C1orf198: variants seen among roughly 807,000 people sequenced by gnomAD.
C1orf198 encodes uncharacterized protein C1orf198.
C1orf198 carries 17 observed loss-of-function variants against 31.4 expected under a neutral mutation model. The ratio of observed to expected loss-of-function variants is 0.54; its 90% CI spans 0.37 to 0.81. The LOEUF (loss-of-function observed/expected upper bound fraction) is 0.81, where lower values mean the gene tolerates loss of function less well. Among genes scored for constraint, C1orf198 ranks in the 40% least tolerant of loss-of-function variants. The pLI, the probability that C1orf198 is intolerant of heterozygous loss-of-function variation, is 0.00. For missense variants in C1orf198, 401 were observed against 450.3 expected, an observed-to-expected ratio of 0.89 and a Z score of 0.99; for synonymous variants, 175 against 193.8, an observed-to-expected ratio of 0.90 and a Z score of 0.81.
At chr1:230,842,499 T>A (rs576642379) in intron 3 of C1orf198, among the ~76,000 whole-genome samples, 1 of 152,024 alleles carries the variant, frequency 6.6e-6, no homozygotes, top group East Asian at 1.9e-4. Flanking sequence ...GAATGGAAAA[T>A]CAAACATCAT....
intron 3 of C1orf198, among the ~76,000 whole-genome samples, chr1:230,842,523 T>G (rs1669467649): frequency 6.6e-6 from 1 of 152,036 alleles, no homozygotes; most frequent in Admixed American, 6.6e-5. Context: ...TTCTCACTCA[T>G]AAGTGGGAGC....
At chr1:230,852,336 A>G (rs1206186363) in intron 2 of C1orf198, among the ~76,000 whole-genome samples, 1 of 109,316 alleles carries the variant, frequency 9.1e-6, no homozygotes. Context: ...TATCTACTGG[A>G]AAAAAAAAAT....
At chr1:230,866,006 T>G (rs1270838949) in intron 1 of C1orf198, among the ~76,000 whole-genome samples, 1 of 152,160 alleles carries the variant, frequency 6.6e-6, no homozygotes, top group African/African-American at 2.4e-5. Context: ...GAAGAGACAT[T>G]GGGCCCCACT....
chr1:230,846,573 C>G (rs1669593636), intron 2 of C1orf198, among the ~76,000 whole-genome samples: 1 of 152,238 alleles, frequency 6.6e-6, no homozygotes, highest in Non-Finnish European at 1.5e-5. Context: ...GGCTAGATGT[C>G]TTCCCTCCAG....
intron 3 of C1orf198, among the ~76,000 whole-genome samples, chr1:230,841,841 C>T (rs777221863): frequency 3.9e-5 from 6 of 152,208 alleles, no homozygotes; most frequent in Non-Finnish European, 8.8e-5. Context: ...ACGTTCACAG[C>T]AGCACTATTC....
At position 230,837,555 on chromosome 1, in the gene C1orf198, G is replaced by A. The variant is rs773878541; in HGVS notation, c.*2297C>T. On this transcript the variant is annotated 3_prime_UTR_variant, in exon 4 of 4. Coordinates refer to ENST00000366663, the MANE Select transcript of C1orf198 (RefSeq NM_032800.3). Reference sequence around the variant, plus strand: ...TTTGAGAAACTCCCTCATGATGAATGGGAGGAAAATCATGGCAAATGGAGA... The same window carrying A: ...TTTGAGAAACTCCCTCATGATGAATAGGAGGAAAATCATGGCAAATGGAGA... 3 of 152,188 alleles carry A rather than the reference G, an allele frequency of 2.0e-5. No homozygotes were observed. The highest frequency in any genetic ancestry group is 3.8e-4 in the East Asian group (2 of 5,198). The allele number at this position is 152,188 out of a possible 1,614,324, so 9.4% of individuals were successfully genotyped here. A position where few individuals can be genotyped will look rare whatever the true frequency, so the allele number is the denominator to read the frequency against.
chr1:230,844,675 G>A (rs995749721), intron 2 of C1orf198, among the ~76,000 whole-genome samples: 1 of 152,142 alleles, frequency 6.6e-6, no homozygotes, highest in Admixed American at 6.5e-5. Flanking sequence ...GGCAGGTGAC[G>A]ACCCTCATTG....
chr1:230,862,290 A>G (rs1354310579), intron 1 of C1orf198, among the ~76,000 whole-genome samples: 7 of 152,240 alleles, frequency 4.6e-5, no homozygotes, highest in Admixed American at 4.6e-4. Context: ...CTCCATGCAC[A>G]ACTGTGCTTC....
intron 2 of C1orf198, among the ~76,000 whole-genome samples, chr1:230,855,379 T>C (rs1669848120): frequency 6.6e-6 from 1 of 152,230 alleles, no homozygotes; most frequent in African/African-American, 2.4e-5. Context: ...GCTGGCCCCC[T>C]TAACCAAGCT....
chr1:230,843,327 G>C lies in C1orf198; in HGVS notation c.927+27C>G, dbSNP rs765831684. On this transcript the variant is annotated intron_variant, in intron 3 of 3. Coordinates refer to ENST00000366663, the MANE Select transcript of C1orf198 (RefSeq NM_032800.3). The surrounding 1 kb of genome is among the most constrained non-coding windows in gnomAD (Gnocchi z 4.9). ...CGTGGAATAAGGCACCATCCCATCT[G>C]AGGACGCGCTGGTAAAGGCCACTCA... 6.5e-7 allele frequency: 1 copy of C among 1,550,094 alleles called. No homozygotes were observed. Among genetic ancestry groups the C allele is most frequent in the Non-Finnish European group, 8.7e-7 (1 of 1,146,118 alleles).
chr1:230,844,119 G>T (rs1304757416), intron 2 of C1orf198, among the ~76,000 whole-genome samples: 2 of 152,090 alleles, frequency 1.3e-5, no homozygotes, highest in Non-Finnish European at 2.9e-5. Flanking sequence ...AAGGCCGGGT[G>T]ACAGAGTGTG....
rs544907024 is a variant in C1orf198 at position 230,843,094 on chromosome 1, C to T, written c.927+260G>A. On this transcript the variant is annotated intron_variant, in intron 3 of 3. Coordinates refer to ENST00000366663, the MANE Select transcript of C1orf198 (RefSeq NM_032800.3). The surrounding 1 kb of genome is among the most constrained non-coding windows in gnomAD (Gnocchi z 4.9). ...GCCTCTTCTGATAGCAGCCCGCGCA[C>T]TGGGGAAAGCGCAGTGGGCCACGGA... Among the ~76,000 whole-genome samples, 1 of 152,382 alleles carries T rather than the reference C, an allele frequency of 6.6e-6. No homozygotes were observed. Among genetic ancestry groups the T allele is most frequent in the Non-Finnish European group, 1.5e-5 (1 of 68,038 alleles).
intron 1 of C1orf198, among the ~76,000 whole-genome samples, chr1:230,856,879 G>A (rs921382748): frequency 9.9e-5 from 15 of 152,242 alleles, no homozygotes; most frequent in African/African-American, 3.1e-4. Flanking sequence ...CCGACTCTGC[G>A]CCCCTAAGTC....
At chr1:230,861,516 G>A (rs947579552) in intron 1 of C1orf198, among the ~76,000 whole-genome samples, 5 of 152,176 alleles carry the variant, frequency 3.3e-5, no homozygotes, top group African/African-American at 4.8e-5. Context: ...CATATAGCGC[G>A]GTGCCCAGAT....
At position 230,839,390 on chromosome 1, in the gene C1orf198, C is replaced by T. The variant is rs549898786; in HGVS notation, c.*462G>A. ...CTGGGGGCCAGTCTTTCCGGGGTCA[C>T]AGCCAGCATGCTGATGTCATGGCTG... On this transcript the variant is annotated 3_prime_UTR_variant, in exon 4 of 4. Transcript: ENST00000366663. 6.8e-5 allele frequency: 11 copies of T among 162,468 alleles called. No homozygotes were observed. Among genetic ancestry groups the T allele is most frequent in the Admixed American group, 1.3e-4 (2 of 15,324 alleles). 10.1% of individuals were successfully genotyped at this position (162,468 alleles called of 1,614,324 possible).
chr1:230,843,336 C>T lies in C1orf198; in HGVS notation c.927+18G>A, dbSNP rs58069945. On this transcript the variant is annotated intron_variant, in intron 3 of 3. Transcript: ENST00000366663. The surrounding 1 kb of genome is among the most constrained non-coding windows in gnomAD (Gnocchi z 4.9). ...AGGCACCATCCCATCTGAGGACGCG[C>T]TGGTAAAGGCCACTCACCTGTGCAA... The T allele has an allele frequency of 0.016, 24,122 of 1,551,152 alleles. 2,817 individuals carry two copies. In the African/African-American group the frequency reaches 0.27, roughly 17 times the overall value.
chr1:230,853,571 G>A (rs1053892470), intron 2 of C1orf198, among the ~76,000 whole-genome samples: 10 of 152,098 alleles, frequency 6.6e-5, no homozygotes, highest in Admixed American at 6.5e-5. Flanking sequence ...GCCCCTAGAC[G>A]TTTCTAATAG....
chr1:230,848,945 A>T (rs928786904), intron 2 of C1orf198, among the ~76,000 whole-genome samples: 1 of 152,180 alleles, frequency 6.6e-6, no homozygotes, highest in African/African-American at 2.4e-5. Context: ...CATCCTGCCC[A>T]GGGACCTCAT....
intron 2 of C1orf198, among the ~76,000 whole-genome samples, chr1:230,851,201 C>T (rs749400734): frequency 3.2e-4 from 49 of 152,268 alleles, no homozygotes; most frequent in Non-Finnish European, 4.4e-4. Flanking sequence ...ATCAAGGAAC[C>T]GATCCCCAGC....
Sources: allele counts gnomAD v4.1 joint callset (sites outside exome capture counted in the v4.1 genomes callset), GRCh38; gene constraint gnomAD v4.1.1; non-coding constraint Gnocchi (gnomAD v3.1); transcripts MANE v1.5; gene names NCBI Gene and HGNC (gene_info 2026-07-23, HGNC 2026-07-21).